The following COX10 variants were observed in gnomAD, a reference collection of about 807,000 sequenced individuals.
COX10 encodes cytochrome c oxidase assembly factor heme A:farnesyltransferase COX10.
Under a neutral mutation model 37.3 loss-of-function variants are expected in COX10, and 27 were observed. That is an observed-to-expected ratio of 0.72 (90% CI 0.53 to 1.00). The LOEUF (loss-of-function observed/expected upper bound fraction) is 1.00. Ranked by LOEUF, COX10 falls within the 50% of genes least tolerant of loss-of-function variation. The pLI, the probability that COX10 is intolerant of heterozygous loss-of-function variation, is 0.00. For synonymous variants in COX10, 222 were observed against 229.1 expected (o/e 0.97, Z 0.28); for missense variants, 475 against 563.2 (o/e 0.84, Z 1.59).
chr17:14,103,995 C>T (rs932242151), intron 4 of COX10, among the ~76,000 whole-genome samples: 3 of 152,104 alleles, frequency 2.0e-5, no homozygotes, highest in South Asian at 2.1e-4. Context: ...AGCCCTGCTC[C>T]GCATCCCACT....
At chr17:14,200,656 T>C (rs961522269) in intron 6 of COX10, among the ~76,000 whole-genome samples, 3 of 152,250 alleles carry the variant, frequency 2.0e-5, no homozygotes, top group Admixed American at 1.3e-4. Flanking sequence ...GAGAGCCATG[T>C]CTACAGATAT....
rs1047269060 is a variant in COX10 at position 14,087,080 on chromosome 17, T to G, written c.499+10024T>G. 1.1e-4 allele frequency among the ~76,000 whole-genome samples: 16 copies of G among 152,330 alleles called. 1 individual carries two copies. Among genetic ancestry groups the G allele is most frequent in the African/African-American group, 3.8e-4 (16 of 41,578 alleles). On this transcript the variant is annotated intron_variant, in intron 3 of 6. Transcript: ENST00000261643. ...TTCTAGAGTGTACAAATTTACTTTT[T>G]CTGTTCATTCAGCTGATGTTTGTTG...
chr17:14,112,624 A>C (rs1226088945), intron 4 of COX10, among the ~76,000 whole-genome samples: 1 of 152,284 alleles, frequency 6.6e-6, no homozygotes, highest in Non-Finnish European at 1.5e-5. Context: ...TGCCTTAGGC[A>C]AGTAAAGGAA....
At chr17:14,071,933 T>C (rs1465056293) in intron 1 of COX10, among the ~76,000 whole-genome samples, 1 of 151,950 alleles carries the variant, frequency 6.6e-6, no homozygotes, top group African/African-American at 2.4e-5. Context: ...ATGTCAGCAT[T>C]TTTTAGCTGT....
chr17:14,107,799 G>A (rs190430730), intron 4 of COX10, among the ~76,000 whole-genome samples: 5 of 152,144 alleles, frequency 3.3e-5, no homozygotes, highest in Non-Finnish European at 5.9e-5. Flanking sequence ...AATATTCCTA[G>A]CAGATTGTCT....
chr17:14,176,401 C>T (rs949297824), intron 5 of COX10, among the ~76,000 whole-genome samples: 13 of 152,142 alleles, frequency 8.5e-5, no homozygotes, highest in Admixed American at 5.2e-4. Context: ...GCCAGGCTGC[C>T]GATGCTTGTA....
chr17:14,082,424 A>G (rs1035592367), intron 3 of COX10, among the ~76,000 whole-genome samples: 1 of 152,122 alleles, frequency 6.6e-6, no homozygotes, highest in African/African-American at 2.4e-5. Flanking sequence ...GTCTTCTTAG[A>G]CTCTTAAATG....
chr17:14,132,757 C>G (rs1380815459), intron 4 of COX10, among the ~76,000 whole-genome samples: 11 of 151,494 alleles, frequency 7.3e-5, no homozygotes, highest in Admixed American at 5.9e-4. Flanking sequence ...AATACCCCTG[C>G]TTATTTTTTA....
chr17:14,198,745 G>T (rs1270210035), intron 6 of COX10, among the ~76,000 whole-genome samples: 1 of 152,108 alleles, frequency 6.6e-6, no homozygotes, highest in Admixed American at 6.5e-5. Flanking sequence ...AGTAGAGTCG[G>T]AGTGAATTTA....
intron 2 of COX10, among the ~76,000 whole-genome samples, chr17:14,075,184 C>T (rs552524077): frequency 1.3e-4 from 20 of 152,052 alleles, no homozygotes; most frequent in African/African-American, 1.9e-4. Context: ...TAATAAAACT[C>T]GATATGTTGA....
chr17:14,090,030 T>G (rs530965529), intron 3 of COX10, among the ~76,000 whole-genome samples: 1 of 152,014 alleles, frequency 6.6e-6, no homozygotes, highest in Admixed American at 6.6e-5. Flanking sequence ...TTTTGCTTCT[T>G]CTCTCCTCTG....
intron 3 of COX10, among the ~76,000 whole-genome samples, chr17:14,086,497 T>C (rs1456941438): frequency 6.6e-6 from 1 of 152,160 alleles, no homozygotes; most frequent in Non-Finnish European, 1.5e-5. Context: ...CGGGGATGAA[T>C]TGAGAACTTT....
intron 6 of COX10, among the ~76,000 whole-genome samples, chr17:14,205,827 G>T (rs1906681880): frequency 6.6e-6 from 1 of 152,080 alleles, no homozygotes; most frequent in Non-Finnish European, 1.5e-5. Context: ...AAGATTAAAT[G>T]GGGCAAACTA....
chr17:14,161,525 T>C (rs1905169675), intron 5 of COX10, among the ~76,000 whole-genome samples: 1 of 152,112 alleles, frequency 6.6e-6, no homozygotes, highest in African/African-American at 2.4e-5. Flanking sequence ...AAGCATTATT[T>C]TGGGTGTGTC....
At chr17:14,085,531 C>A (rs1442906368) in intron 3 of COX10, among the ~76,000 whole-genome samples, 1 of 151,972 alleles carries the variant, frequency 6.6e-6, no homozygotes, top group African/African-American at 2.4e-5. Context: ...TAACATATAT[C>A]CTTTTACATA....
rs1194207682 is a variant in COX10, at chr17:14,208,376, G to C, written c.*1163G>C. 2.0e-5 allele frequency: 3 copies of C among 152,194 alleles called. No individual in the cohort carries two copies. The highest frequency in any genetic ancestry group is 4.4e-5 in the Non-Finnish European group (3 of 68,048). The allele number at this position is 152,194 out of a possible 1,614,324, so 9.4% of individuals were successfully genotyped here. On this transcript the variant is annotated 3_prime_UTR_variant, in exon 7 of 7. Coordinates refer to ENST00000261643, the MANE Select transcript of COX10 (RefSeq NM_001303.4). ...CAAAGGTCTTGAAGCTTGACAGGAT[G>C]TTTTCATTACTCAGTCTCCCAGGGC...
At chr17:14,151,180 T>G (rs1411317001) in intron 4 of COX10, among the ~76,000 whole-genome samples, 2 of 152,178 alleles carry the variant, frequency 1.3e-5, no homozygotes, top group Non-Finnish European at 2.9e-5. Flanking sequence ...AAATGTGGTT[T>G]AAGTATCTAA....
At chr17:14,124,606 T>C (rs577439635) in intron 4 of COX10, among the ~76,000 whole-genome samples, 1 of 152,276 alleles carries the variant, frequency 6.6e-6, no homozygotes, top group East Asian at 1.9e-4. Context: ...GGTATATTCA[T>C]TTCATAACAG....
chr17:14,125,068 G>A (rs1916306003), intron 4 of COX10, among the ~76,000 whole-genome samples: 1 of 152,198 alleles, frequency 6.6e-6, no homozygotes, highest in African/African-American at 2.4e-5. Context: ...CCCCTAAAAT[G>A]TGAACAGTGA....
Sources: gnomAD v4.1 joint callset for allele counts (sites outside exome capture counted in the v4.1 genomes callset) on GRCh38, gnomAD v4.1.1 for gene constraint, MANE v1.5 for transcripts, NCBI Gene and HGNC (gene_info 2026-07-23, HGNC 2026-07-21) for gene names.